Variants in PLEKHA3 observed in about 807,000 individuals in gnomAD.
PLEKHA3 encodes the protein pleckstrin homology domain containing A3.
A neutral mutation model predicts 39.2 loss-of-function variants in PLEKHA3; 19 were observed. The observed-to-expected ratio is 0.48, with a 90% CI of 0.34 to 0.71. The LOEUF (loss-of-function observed/expected upper bound fraction) is 0.71. PLEKHA3 is among the 30% of genes least tolerant of loss of function. The pLI, the probability that PLEKHA3 is intolerant of heterozygous loss-of-function variation, is 0.01. For synonymous variants in PLEKHA3, 97 were observed against 118.6 expected (o/e 0.82, Z 1.18); for missense variants, 253 against 359.5 (o/e 0.70, Z 2.40).
chr2:178,490,262 A>G (rs1160375282), intron 2 of PLEKHA3, among the ~76,000 whole-genome samples: 2 of 152,250 alleles, frequency 1.3e-5, no homozygotes, highest in African/African-American at 2.4e-5. Flanking sequence ...CATTCCTTCT[A>G]TGTGTCAGGC....
intron 5 of PLEKHA3, 23 bp from the exon 6 acceptor site, chr2:178,499,182 ATTTTTT>A: frequency 7.5e-7 from 1 of 1,337,928 alleles, no homozygotes; most frequent in Non-Finnish European, 1.0e-6. Flanking sequence ...GATTATGCTA[ATTTTTT>A]TTTTTTTTTC....
chr2:178,488,851 C>G (rs1374673259), intron 2 of PLEKHA3: 3 of 322,462 alleles, frequency 9.3e-6, no homozygotes, highest in African/African-American at 6.6e-5. Flanking sequence ...TCCATTAACT[C>G]TGTTTAATTA....
intron 5 of PLEKHA3, 67 bp downstream of exon 5, chr2:178,495,727 G>A: frequency 6.7e-7 from 1 of 1,503,200 alleles, no homozygotes; most frequent in Non-Finnish European, 9.0e-7. Context: ...GTTTCATTTT[G>A]GTATTTATTT....
At chr2:178,493,099 G>C (rs1450118612) in intron 3 of PLEKHA3, among the ~76,000 whole-genome samples, 2 of 152,152 alleles carry the variant, frequency 1.3e-5, no homozygotes, top group Admixed American at 1.3e-4. Flanking sequence ...GTGTGGAGAA[G>C]CACCAGAAAT....
Position 178,508,130 on chromosome 2 carries a change from A to G in PLEKHA3, c.*4243A>G, listed in dbSNP as rs986308082. 3 of 148,956 alleles carry G rather than the reference A, an allele frequency of 2.0e-5. No homozygotes were observed. The highest frequency in any genetic ancestry group is 5.0e-5 in the African/African-American group (2 of 39,644). 9.2% of individuals were successfully genotyped at this position (148,956 alleles called of 1,614,324 possible). On this transcript the variant is annotated 3_prime_UTR_variant, in exon 8 of 8. Transcript: ENST00000234453. Reference sequence around the variant, plus strand: ...TTCTCTCTTCCATTTTCTTTGTTCTATCTTTCTAGAATTTCTGTTATTTGA... The same window carrying G: ...TTCTCTCTTCCATTTTCTTTGTTCTGTCTTTCTAGAATTTCTGTTATTTGA...
At chr2:178,494,819 A>G (rs1575144939) in intron 4 of PLEKHA3, among the ~76,000 whole-genome samples, 1 of 152,080 alleles carries the variant, frequency 6.6e-6, no homozygotes, top group Non-Finnish European at 1.5e-5. Flanking sequence ...TGGGGTTGCC[A>G]GGGTAGAGAG....
At chr2:178,498,041 A>G (rs1365590287) in intron 5 of PLEKHA3, among the ~76,000 whole-genome samples, 1 of 152,148 alleles carries the variant, frequency 6.6e-6, no homozygotes, top group East Asian at 1.9e-4. Flanking sequence ...AAACAATTTA[A>G]TCTGATCTTT....
intron 7 of PLEKHA3, among the ~76,000 whole-genome samples, chr2:178,501,914 G>C (rs950164201): frequency 6.6e-6 from 1 of 151,954 alleles, no homozygotes; most frequent in African/African-American, 2.4e-5. Context: ...TAAGGAACAG[G>C]TCGTGTTCCA....
In PLEKHA3 at chr2:178,480,461, A is replaced by G. The variant is rs1685135019; in HGVS notation, c.-409A>G. ...CGGGACGATCCGGCCCCTTTCATCC[A>G]GGAAGTGAAATCGACGTCGGGGTCA... is the stretch of plus-strand genomic sequence containing the variant. On this transcript the variant is annotated 5_prime_UTR_variant, in exon 1 of 8. Coordinates refer to ENST00000234453, the MANE Select transcript of PLEKHA3 (RefSeq NM_019091.4). The G allele has an allele frequency of 6.5e-6, 1 of 153,844 alleles. No homozygotes were observed. The highest frequency in any genetic ancestry group is 2.4e-5 in the African/African-American group (1 of 41,426). 9.5% of individuals were successfully genotyped at this position (153,844 alleles called of 1,614,324 possible). A position where few individuals can be genotyped will look rare whatever the true frequency, so the allele number is the denominator to read the frequency against.
chr2:178,499,406 AGTATT>A (rs1685495614), intron 6 of PLEKHA3, 152 bp downstream of exon 6: 1 of 650,516 alleles, frequency 1.5e-6, no homozygotes, highest in African/African-American at 1.9e-5. Context: ...TTTATCTCCT[AGTATT>A]TAGTATAAGG....
chr2:178,483,225 C>T (rs903639913), intron 1 of PLEKHA3, among the ~76,000 whole-genome samples: 14 of 150,710 alleles, frequency 9.3e-5, no homozygotes, highest in Non-Finnish European at 2.1e-4. Flanking sequence ...TACCACTGCA[C>T]TCAAACCTTG....
In PLEKHA3 at chr2:178,509,769, C is replaced by G. The variant is rs564669510; in HGVS notation, c.*5882C>G. ...TCTCGGATTACAGGCATGAGCCACA[C>G]TGCACTCTCCTATCTCTCTCAATTC... On this transcript the variant is annotated 3_prime_UTR_variant, in exon 8 of 8. Transcript: ENST00000234453. 1 of 152,318 alleles carries G rather than the reference C, an allele frequency of 6.6e-6. No homozygotes were observed. The highest frequency in any genetic ancestry group is 1.5e-5 in the Non-Finnish European group (1 of 68,070). 9.4% of individuals were successfully genotyped at this position (152,318 alleles called of 1,614,324 possible). A position where few individuals can be genotyped will look rare whatever the true frequency, so the allele number is the denominator to read the frequency against.
At position 178,502,812 on chromosome 2, in the gene PLEKHA3, GCA is replaced by G. The variant is rs146414466; in HGVS notation, c.776-936_776-935del. On this transcript the variant is annotated intron_variant, in intron 7 of 7. Transcript: ENST00000234453. Reference sequence around the variant, plus strand: ...TAGTCTCACACACACACACACGCACGCACACACACACACGCGCATACATATAG... The same window carrying G: ...TAGTCTCACACACACACACACGCACGCACACACACACGCGCATACATATAG... 2.7e-4 allele frequency among the ~76,000 whole-genome samples: 41 copies of G among 150,068 alleles called. 1 individual carries two copies. Among genetic ancestry groups the G allele is most frequent in the South Asian group, 1.3e-3 (6 of 4,778 alleles).
intron 2 of PLEKHA3, among the ~76,000 whole-genome samples, chr2:178,486,790 A>T (rs1030945698): frequency 1.3e-5 from 2 of 152,030 alleles, no homozygotes; most frequent in African/African-American, 4.8e-5. Flanking sequence ...TTTTTGGGTT[A>T]TTTCCGTTTT....
chr2:178,503,673 C>A, intron 7 of PLEKHA3, 87 bp from the exon 8 acceptor site: 1 of 1,394,742 alleles, frequency 7.2e-7, no homozygotes, highest in Non-Finnish European at 9.8e-7. Context: ...TTTCATGTCC[C>A]TGAACAGGAA....
chr2:178,504,531 A>G lies in PLEKHA3; in HGVS notation c.*644A>G, dbSNP rs1685576552. The G allele has an allele frequency of 6.6e-6, 1 of 152,348 alleles. No homozygotes were observed. The highest frequency in any genetic ancestry group is 1.5e-5 in the Non-Finnish European group (1 of 67,866). The allele number at this position is 152,348 out of a possible 1,614,324, so 9.4% of individuals were successfully genotyped here. A position where few individuals can be genotyped will look rare whatever the true frequency, so the allele number is the denominator to read the frequency against. On this transcript the variant is annotated 3_prime_UTR_variant, in exon 8 of 8. Transcript: ENST00000234453. ...TAAAGTGTTTAATTTTTATGTATTT[A>G]TTTTCTTGTTGCCTCAAAAGATGAT...
chr2:178,493,188 GC>G (rs1258431923), intron 3 of PLEKHA3, among the ~76,000 whole-genome samples: 1 of 152,128 alleles, frequency 6.6e-6, no homozygotes, highest in African/African-American at 2.4e-5. Flanking sequence ...TGAGATTATG[GC>G]TGGATGTTTA....
At position 178,508,580 on chromosome 2, in the gene PLEKHA3, G is replaced by A. The variant is rs939410587; in HGVS notation, c.*4693G>A. 6.5e-6 allele frequency: 1 copy of A among 153,678 alleles called. No individual in the cohort carries two copies. Among genetic ancestry groups the A allele is most frequent in the Non-Finnish European group, 1.5e-5 (1 of 68,030 alleles). 9.5% of individuals were successfully genotyped at this position (153,678 alleles called of 1,614,324 possible). A position where few individuals can be genotyped will look rare whatever the true frequency, so the allele number is the denominator to read the frequency against. On this transcript the variant is annotated 3_prime_UTR_variant, in exon 8 of 8. Transcript: ENST00000234453. ...TATATGTGGGCAGGGTTTATAAGTT[G>A]TCTAAAGGGCCATCAGGTAGAGTTG...
At chr2:178,484,759 G>A (rs1380780466) in intron 1 of PLEKHA3, among the ~76,000 whole-genome samples, 1 of 152,236 alleles carries the variant, frequency 6.6e-6, no homozygotes, top group African/African-American at 2.4e-5. Context: ...TAAATTAGTA[G>A]CATGCTTGAT....
Sources: allele counts gnomAD v4.1 joint callset (sites outside exome capture counted in the v4.1 genomes callset), GRCh38; gene constraint gnomAD v4.1.1; transcripts MANE v1.5; gene names NCBI Gene and HGNC (gene_info 2026-07-23, HGNC 2026-07-21).